Variants in ATF6 observed in about 807,000 individuals in gnomAD.
The protein encoded by ATF6 is cyclic AMP-dependent transcription factor ATF-6 alpha.
A neutral mutation model predicts 83.6 loss-of-function variants in ATF6; 53 were observed. The observed-to-expected ratio is 0.63, with a 90% CI of 0.51 to 0.80. The LOEUF (loss-of-function observed/expected upper bound fraction) is 0.80, where lower values mean the gene tolerates loss of function less well. Among genes scored for constraint, ATF6 ranks in the 30% least tolerant of loss-of-function variants. ATF6 has a pLI of 0.00. For missense variants in ATF6, 744 were observed against 797.9 expected (o/e 0.93, Z 0.81); for synonymous variants, 288 against 285.8 (o/e 1.01, Z -0.08).
At chr1:161,946,450 T>C (rs1229224895) in intron 15 of ATF6, among the ~76,000 whole-genome samples, 1 of 152,234 alleles carries the variant, frequency 6.6e-6, no homozygotes. Context: ...TTAGGAATTG[T>C]TCCATAAAAG....
chr1:161,814,285 T>C (rs1685554462), intron 7 of ATF6, among the ~76,000 whole-genome samples: 1 of 152,242 alleles, frequency 6.6e-6, no homozygotes, highest in Non-Finnish European at 1.5e-5. Flanking sequence ...GTTCAGGACT[T>C]GGGTCCCTCT....
chr1:161,777,254 G>A lies in ATF6; in HGVS notation c.83-990G>A, dbSNP rs113058868. 9.9e-3 allele frequency among the ~76,000 whole-genome samples: 1,513 copies of A among 152,294 alleles called. 8 individuals carry two copies. The highest frequency in any genetic ancestry group is 0.017 in the South Asian group (84 of 4,830). ...AGGAGTTTCAGCCTATATATAAGCC[G>A]CAGTCCTCTGCTTATATGTTTCTTG... On this transcript the variant is annotated intron_variant, in intron 1 of 15. Coordinates refer to ENST00000367942, the MANE Select transcript of ATF6 (RefSeq NM_007348.4).
At chr1:161,851,424 A>G (rs188115136) in intron 10 of ATF6, among the ~76,000 whole-genome samples, 36 of 152,298 alleles carry the variant, frequency 2.4e-4, no homozygotes, top group African/African-American at 6.5e-4. Flanking sequence ...AGCATTGTGC[A>G]TGTCTTAAGC....
chr1:161,794,884 A>C (rs1250866512), intron 6 of ATF6, among the ~76,000 whole-genome samples: 1 of 152,232 alleles, frequency 6.6e-6, no homozygotes, highest in Non-Finnish European at 1.5e-5. Context: ...AGATGTTAAA[A>C]GTGTAGAATC....
At chr1:161,844,134 A>G (rs945572107) in intron 9 of ATF6, among the ~76,000 whole-genome samples, 2 of 152,218 alleles carry the variant, frequency 1.3e-5, no homozygotes, top group African/African-American at 4.8e-5. Flanking sequence ...CAGTGTCTAG[A>G]ACAAATGGAG....
chr1:161,783,169 C>T (rs541634065), intron 3 of ATF6, among the ~76,000 whole-genome samples: 1 of 152,082 alleles, frequency 6.6e-6, no homozygotes. Context: ...TTCCAGCACA[C>T]AAAGCAGAGG....
intron 2 of ATF6, among the ~76,000 whole-genome samples, chr1:161,780,462 C>A (rs992739333): frequency 3.9e-5 from 6 of 151,900 alleles, no homozygotes; most frequent in Non-Finnish European, 8.8e-5. Flanking sequence ...TAAGCTCCAC[C>A]TCCCGGGTTC....
intron 15 of ATF6, among the ~76,000 whole-genome samples, chr1:161,953,421 A>G (rs1008569591): frequency 1.4e-4 from 21 of 152,180 alleles, no homozygotes; most frequent in Non-Finnish European, 2.5e-4. Flanking sequence ...AGCGAGGCCT[A>G]TACATTTGTT....
rs555733008 is a variant in ATF6 at position 161,927,467 on chromosome 1, C to T, written c.1804+15087C>T. Among the ~76,000 whole-genome samples, 7 of 152,178 alleles carry T rather than the reference C, an allele frequency of 4.6e-5. No homozygotes were observed. The East Asian group carries it at 9.7e-4, about 21-fold the overall frequency. The stretch of plus-strand genomic sequence containing the variant: ...TACAAGCGTGAGCCACCACACCAGG[C>T]CAAGAACATTGTCTGAGGACTTAAA... On this transcript the variant is annotated intron_variant, in intron 15 of 15. Transcript: ENST00000367942.
chr1:161,926,135 A>G (rs1688304928), intron 15 of ATF6, among the ~76,000 whole-genome samples: 1 of 152,228 alleles, frequency 6.6e-6, no homozygotes. Context: ...CAGCAGCAAC[A>G]TAAAAGATAG....
At chr1:161,851,664 G>A (rs137916636) in intron 10 of ATF6, 58 bp from the exon 11 acceptor site, 12 of 1,217,710 alleles carry the variant, frequency 9.9e-6, no homozygotes, top group Non-Finnish European at 1.4e-5. Flanking sequence ...TTTTCTTATA[G>A]CAAACTTCTT....
intron 7 of ATF6, among the ~76,000 whole-genome samples, chr1:161,818,100 C>CAA (rs778851235): frequency 3.6e-3 from 287 of 79,722 alleles, no homozygotes; most frequent in African/African-American, 0.011. Flanking sequence ...GACTCCATCT[C>CAA]AAAAAAAAAA....
intron 6 of ATF6, among the ~76,000 whole-genome samples, chr1:161,799,322 T>A (rs2101751374): frequency 6.6e-6 from 1 of 152,242 alleles, no homozygotes; most frequent in African/African-American, 2.4e-5. Context: ...AGATAATTAA[T>A]GCAGGAACAG....
intron 1 of ATF6, among the ~76,000 whole-genome samples, chr1:161,775,106 C>T (rs191388858): frequency 1.8e-3 from 281 of 152,194 alleles, no homozygotes; most frequent in African/African-American, 6.0e-3. Flanking sequence ...ATGAACTCCC[C>T]GTGGTCAAAT....
intron 14 of ATF6, among the ~76,000 whole-genome samples, chr1:161,905,165 T>C (rs948351123): frequency 2.0e-5 from 3 of 152,164 alleles, no homozygotes; most frequent in Non-Finnish European, 2.9e-5. Flanking sequence ...TTCCAGAAAT[T>C]TGTAGAATCA....
At chr1:161,894,641 A>G (rs538387663) in intron 14 of ATF6, among the ~76,000 whole-genome samples, 38 of 138,050 alleles carry the variant, frequency 2.8e-4, no homozygotes, top group African/African-American at 7.0e-4. Context: ...GGTTTAAGCA[A>G]TTCTCTGCCT....
chr1:161,814,639 C>A (rs1370759711), intron 7 of ATF6, among the ~76,000 whole-genome samples: 1 of 152,048 alleles, frequency 6.6e-6, no homozygotes, highest in Non-Finnish European at 1.5e-5. Context: ...TACATACACA[C>A]AAAACTTAAT....
At chr1:161,793,727 A>G (rs142555292) in intron 6 of ATF6, among the ~76,000 whole-genome samples, 294 of 152,342 alleles carry the variant, frequency 1.9e-3, no homozygotes, top group African/African-American at 6.5e-3. Context: ...ATCATTGACT[A>G]TGTTTGAGTG....
At chr1:161,854,687 C>G (rs964905869) in intron 12 of ATF6, among the ~76,000 whole-genome samples, 1 of 151,970 alleles carries the variant, frequency 6.6e-6, no homozygotes, top group Non-Finnish European at 1.5e-5. Context: ...CTGGCTAACA[C>G]AGTGAAACCC....
Sources: gnomAD v4.1 joint callset for allele counts (sites outside exome capture counted in the v4.1 genomes callset) on GRCh38, gnomAD v4.1.1 for gene constraint, MANE v1.5 for transcripts, NCBI Gene and HGNC (gene_info 2026-07-23, HGNC 2026-07-21) for gene names.